GADL1: variants seen among roughly 807,000 people sequenced by gnomAD.
GADL1 encodes the protein acidic amino acid decarboxylase GADL1.
GADL1 carries 71 observed loss-of-function variants against 69.5 expected under a neutral mutation model. The ratio of observed to expected loss-of-function variants is 1.02; its 90% CI spans 0.84 to 1.25. The LOEUF (loss-of-function observed/expected upper bound fraction) is 1.25, where lower values mean the gene tolerates loss of function less well. Among genes scored for constraint, GADL1 ranks in the 50% most tolerant of loss-of-function variants. The pLI, the probability that GADL1 is intolerant of heterozygous loss-of-function variation, is 0.00. For missense variants in GADL1, 737 were observed against 631.8 expected (o/e 1.17, Z -1.79); for synonymous variants, 254 against 214.4 (o/e 1.18, Z -1.62).
At chr3:30,785,004 C>T (rs534839805) in intron 13 of GADL1, among the ~76,000 whole-genome samples, 1 of 152,332 alleles carries the variant, frequency 6.6e-6, no homozygotes, top group East Asian at 1.9e-4. Flanking sequence ...CAAACATCCG[C>T]ATGGCTTGCT....
intron 8 of GADL1, among the ~76,000 whole-genome samples, chr3:30,842,260 C>G (rs565165046): frequency 1.3e-5 from 2 of 152,034 alleles, no homozygotes; most frequent in Non-Finnish European, 2.9e-5. Flanking sequence ...TTAAACAAAA[C>G]TATGGTATGT....
chr3:30,868,405 T>C (rs1698434006), intron 1 of GADL1, among the ~76,000 whole-genome samples: 1 of 152,092 alleles, frequency 6.6e-6, no homozygotes, highest in Non-Finnish European at 1.5e-5. Flanking sequence ...CATGATTTCA[T>C]TAATAAAGCT....
chr3:30,826,671 G>C (rs1309034775), intron 11 of GADL1, among the ~76,000 whole-genome samples: 1 of 151,784 alleles, frequency 6.6e-6, no homozygotes, highest in Non-Finnish European at 1.5e-5. Flanking sequence ...CTGGCAGATT[G>C]TGAATGTCAT....
At chr3:30,832,118 G>A (rs1697802592) in intron 11 of GADL1, among the ~76,000 whole-genome samples, 1 of 151,700 alleles carries the variant, frequency 6.6e-6, no homozygotes, top group African/African-American at 2.4e-5. Flanking sequence ...ATAGAAAACT[G>A]CCAACACAAA....
intron 13 of GADL1, among the ~76,000 whole-genome samples, chr3:30,780,139 GGAGA>G (rs1352510877): frequency 1.3e-5 from 2 of 152,198 alleles, no homozygotes; most frequent in Admixed American, 6.5e-5. Context: ...TGGTTTCAAA[GGAGA>G]GAGATGCCAG....
At chr3:30,871,042 A>AGTGTGTGTGTGTGTGTGTGTGT (rs4016178) in intron 1 of GADL1, among the ~76,000 whole-genome samples, 4 of 141,378 alleles carry the variant, frequency 2.8e-5, no homozygotes, top group Non-Finnish European at 1.5e-5. Flanking sequence ...AAGGCAGAAA[A>AGTGTGTGTGTGTGTGTGTGTGT]GTGTGTGTGT....
intron 11 of GADL1, among the ~76,000 whole-genome samples, chr3:30,814,897 G>C (rs1697433880): frequency 6.6e-6 from 1 of 151,816 alleles, no homozygotes; most frequent in East Asian, 1.9e-4. Flanking sequence ...CTGGGAGGCG[G>C]AGATTTCAAT....
chr3:30,745,309 C>T (rs1277946543), intron 14 of GADL1, among the ~76,000 whole-genome samples: 1 of 152,152 alleles, frequency 6.6e-6, no homozygotes, highest in Admixed American at 6.5e-5. Context: ...GCAATTCAAA[C>T]TTACGGTAAT....
At chr3:30,764,696 G>GTT (rs1480044962) in intron 14 of GADL1, among the ~76,000 whole-genome samples, 1 of 152,184 alleles carries the variant, frequency 6.6e-6, no homozygotes, top group African/African-American at 2.4e-5. Context: ...CTTAAGAATT[G>GTT]TTAACTCACA....
At chr3:30,823,146 G>A (rs763316638) in intron 11 of GADL1, among the ~76,000 whole-genome samples, 2 of 151,914 alleles carry the variant, frequency 1.3e-5, no homozygotes, top group African/African-American at 2.4e-5. Context: ...ATAAACTACT[G>A]GGAGGTACAA....
chr3:30,846,131 G>A (rs1393830938), intron 6 of GADL1, among the ~76,000 whole-genome samples: 3 of 151,414 alleles, frequency 2.0e-5, no homozygotes, highest in Admixed American at 1.3e-4. Flanking sequence ...AGCCCTGGAA[G>A]GGAGAACAAA....
At chr3:30,770,852 A>G (rs370655014) in intron 14 of GADL1, among the ~76,000 whole-genome samples, 1 of 152,232 alleles carries the variant, frequency 6.6e-6, no homozygotes, top group African/African-American at 2.4e-5. Flanking sequence ...AAAGAAAAAA[A>G]AATTTATAAT....
chr3:30,812,942 TAAAAAG>T (rs1453821690), intron 11 of GADL1, among the ~76,000 whole-genome samples: 1 of 149,486 alleles, frequency 6.7e-6, no homozygotes, highest in Non-Finnish European at 1.5e-5. Flanking sequence ...GAAGGGGAAA[TAAAAAG>T]GGGAGAATGT....
chr3:30,854,828 A>T (rs768773314), intron 3 of GADL1, 39 bp from the exon 4 acceptor site: 9 of 746,480 alleles, frequency 1.2e-5, no homozygotes, highest in African/African-American at 1.9e-5. Context: ...ATGCAGCAAT[A>T]AAAAAAAAAA....
chr3:30,846,536 T>C (rs1421461422), intron 6 of GADL1, among the ~76,000 whole-genome samples: 2 of 151,792 alleles, frequency 1.3e-5, no homozygotes, highest in African/African-American at 4.9e-5. Flanking sequence ...TCAAGTTAGC[T>C]GGTAGAGAGA....
intron 11 of GADL1, among the ~76,000 whole-genome samples, chr3:30,814,547 C>T (rs912524551): frequency 1.3e-5 from 2 of 152,074 alleles, no homozygotes; most frequent in Admixed American, 1.3e-4. Context: ...AATGAGCATG[C>T]CTGTGTTCTA....
rs769134341 is a variant in GADL1 at position 30,728,458 on chromosome 3, T to C, written c.1393-43A>G. 1.3e-5 allele frequency: 20 copies of C among 1,508,022 alleles called. No homozygotes were observed. The South Asian group carries it at 2.1e-4, about 16-fold the overall frequency. The allele number at this position is 1,508,022 out of a possible 1,614,324, so 93.4% of individuals were successfully genotyped here. A position where few individuals can be genotyped will look rare whatever the true frequency, so the allele number is the denominator to read the frequency against. On this transcript the variant is annotated intron_variant, in intron 14 of 14. Coordinates refer to ENST00000282538, the MANE Select transcript of GADL1 (RefSeq NM_207359.3). ...GGGAGAGGGGTGAAAGACCAGAACATCAAGGCATTTCAATAGCATTTTCAC... is the reference window on the plus strand; with the variant it reads ...GGGAGAGGGGTGAAAGACCAGAACACCAAGGCATTTCAATAGCATTTTCAC...
At chr3:30,764,580 C>G (rs1222306638) in intron 14 of GADL1, among the ~76,000 whole-genome samples, 1 of 152,080 alleles carries the variant, frequency 6.6e-6, no homozygotes, top group Non-Finnish European at 1.5e-5. Context: ...GGAAATCACT[C>G]GAGAAGCATG....
chr3:30,731,295 C>T (rs60451942), intron 14 of GADL1, among the ~76,000 whole-genome samples: 13,190 of 152,266 alleles, frequency 0.087, 1,509 homozygotes, highest in African/African-American at 0.26. Context: ...GTAAAACAGG[C>T]ATGCTCTTGG....
Sources: gnomAD v4.1 joint callset for allele counts (sites outside exome capture counted in the v4.1 genomes callset) on GRCh38, gnomAD v4.1.1 for gene constraint, MANE v1.5 for transcripts, NCBI Gene and HGNC (gene_info 2026-07-23, HGNC 2026-07-21) for gene names.